The following CHD5 variants were observed in gnomAD, a reference collection of about 807,000 sequenced individuals.
The protein encoded by CHD5 is chromodomain helicase DNA binding protein 5, also known as ATP-dependent chromatin remodeler CHD5.
CHD5 carries 69 observed loss-of-function variants against 230.3 expected under a neutral mutation model. The observed-to-expected ratio is 0.30, with a 90% CI of 0.25 to 0.37. The LOEUF is 0.37. Ranked by LOEUF, CHD5 falls within the 10% of genes least tolerant of loss-of-function variation. The probability of loss-of-function intolerance (pLI) is 1.00; values close to 1 mark genes in which losing one functional copy is unlikely to be tolerated. For synonymous variants in CHD5, 1,064 were observed against 1,065.9 expected, an observed-to-expected ratio of 1.00 and a Z score of 0.03; for missense variants, 1,827 against 2,622.8, an observed-to-expected ratio of 0.70 and a Z score of 6.63.
intron 1 of CHD5, among the ~76,000 whole-genome samples, chr1:6,177,928 C>CT (rs1416491773): frequency 3.9e-5 from 6 of 152,200 alleles, no homozygotes; most frequent in African/African-American, 1.4e-4. Flanking sequence ...CGGGATCTGA[C>CT]TTGGGTTCAC....
At chr1:6,148,811 G>A (rs774773362) in intron 9 of CHD5, 43 bp downstream of exon 9, 1 of 1,460,978 alleles carries the variant, frequency 6.8e-7, no homozygotes, top group Non-Finnish European at 9.1e-7. Context: ...CCTGTTCCTG[G>A]GGTGGGGCGG....
chr1:6,112,333 G>C, intron 34 of CHD5, 56 bp from the exon 35 acceptor site: 1 of 1,596,644 alleles, frequency 6.3e-7, no homozygotes, highest in Non-Finnish European at 8.6e-7. Flanking sequence ...AGTGCCCAGC[G>C]GCCTCTCTCT....
chr1:6,149,174 C>G lies in CHD5; in HGVS notation c.1161+72G>C, dbSNP rs1293867291. 2.7e-6 allele frequency: 4 copies of G among 1,480,692 alleles called. No individual in the cohort carries two copies. The East Asian group carries it at 9.9e-5, about 37-fold the overall frequency. 91.7% of individuals were successfully genotyped at this position (1,480,692 alleles called of 1,614,324 possible). A position where few individuals can be genotyped will look rare whatever the true frequency, so the allele number is the denominator to read the frequency against. ...TACAGCATCTCCCCGCATTCTGCCC[C>G]CAAATGAGGGCACAGGGGTGGGGGA... is the stretch of plus-strand genomic sequence containing the variant. On this transcript the variant is annotated intron_variant, in intron 8 of 41. Coordinates refer to ENST00000262450, the MANE Select transcript of CHD5 (RefSeq NM_015557.3).
chr1:6,120,951 T>C (rs1028022500), intron 33 of CHD5, among the ~76,000 whole-genome samples, 154 bp downstream of exon 33: 4 of 150,432 alleles, frequency 2.7e-5, no homozygotes, highest in Non-Finnish European at 5.9e-5. Context: ...CCTGAGCTCC[T>C]GGCCTCCCCT....
In CHD5 at chr1:6,121,685, C is replaced by T. The variant is rs1571144384; in HGVS notation, c.4700-112G>A. 1.4e-6 allele frequency: 1 copy of T among 701,956 alleles called. No individual in the cohort carries two copies. The allele number at this position is 701,956 out of a possible 1,614,324, so 43.5% of individuals were successfully genotyped here. A position where few individuals can be genotyped will look rare whatever the true frequency, so the allele number is the denominator to read the frequency against. On this transcript the variant is annotated intron_variant, in intron 31 of 41. Transcript: ENST00000262450. The surrounding 1 kb of genome is among the most constrained non-coding windows in gnomAD (Gnocchi z 4.5). ...GGGGCTTGGCCTTCGGGAGGCTCCA[C>T]TGCAGCCAAGCACCTCCAGGAGAGA...
chr1:6,160,791 C>T (rs756893211), intron 2 of CHD5, among the ~76,000 whole-genome samples: 11 of 152,234 alleles, frequency 7.2e-5, no homozygotes, highest in Admixed American at 1.3e-4. Flanking sequence ...CCTGTCTGTA[C>T]AGGCAGAAAA....
At chr1:6,150,916 G>A (rs2100865379) in intron 7 of CHD5, 116 bp downstream of exon 7, 1 of 1,284,346 alleles carries the variant, frequency 7.8e-7, no homozygotes, top group East Asian at 2.8e-5. Flanking sequence ...CCACGGGGAG[G>A]TTCCATGCCC....
rs988483674 is a variant in CHD5 at position 6,105,801 on chromosome 1, C to T, written c.*47-374G>A. On this transcript the variant is annotated intron_variant, in intron 41 of 41. Coordinates refer to ENST00000262450, the MANE Select transcript of CHD5 (RefSeq NM_015557.3). This position sits in a 1 kb window ranked among gnomAD's most constrained non-coding sequence, Gnocchi z 4.8. ...TCCTGGCCAATAGCCCCCACAAAACCCTCAGCCACCCTCCTGGTCCTGGGC... is the reference window on the plus strand; with the variant it reads ...TCCTGGCCAATAGCCCCCACAAAACTCTCAGCCACCCTCCTGGTCCTGGGC... 2.0e-5 allele frequency among the ~76,000 whole-genome samples: 3 copies of T among 152,238 alleles called. No homozygotes were observed. The highest frequency in any genetic ancestry group is 2.0e-4 in the Admixed American group (3 of 15,288).
intron 7 of CHD5, among the ~76,000 whole-genome samples, chr1:6,149,881 G>C (rs149412868): frequency 2.0e-3 from 291 of 147,572 alleles, no homozygotes; most frequent in African/African-American, 6.7e-3. Flanking sequence ...GGATGGACAA[G>C]TGGATGGATA....
At chr1:6,124,701 G>A (rs1483837949) in intron 29 of CHD5, 40 bp from the exon 30 acceptor site, 1 of 1,253,550 alleles carries the variant, frequency 8.0e-7, no homozygotes, top group Non-Finnish European at 1.1e-6. Context: ...GGGAGTGGGG[G>A]GCCGGCAAGA....
chr1:6,163,547 T>G (rs114939158), intron 2 of CHD5, among the ~76,000 whole-genome samples: 3 of 152,176 alleles, frequency 2.0e-5, no homozygotes, highest in Admixed American at 1.3e-4. Context: ...AAATCTCTCC[T>G]TGCAGAGAAA....
intron 33 of CHD5, among the ~76,000 whole-genome samples, chr1:6,116,748 G>T (rs571736320): frequency 1.7e-4 from 26 of 152,308 alleles, no homozygotes; most frequent in African/African-American, 6.3e-4. Context: ...AAATAACAAT[G>T]AGAGAATTTA....
intron 30 of CHD5, 80 bp from the exon 31 acceptor site, chr1:6,124,187 C>T: frequency 1.5e-6 from 2 of 1,333,550 alleles, no homozygotes; most frequent in East Asian, 4.8e-5. Context: ...TCAGGGCAGC[C>T]AGGGGGGCTG....
At chr1:6,147,971 AG>A (rs1666937561) in intron 9 of CHD5, among the ~76,000 whole-genome samples, 1 of 152,036 alleles carries the variant, frequency 6.6e-6, no homozygotes, top group South Asian at 2.1e-4. Flanking sequence ...TCAGGGAAGA[AG>A]CTGAGAGGAA....
At chr1:6,109,587 G>A (rs1284015984) in intron 38 of CHD5, among the ~76,000 whole-genome samples, 1 of 152,204 alleles carries the variant, frequency 6.6e-6, no homozygotes, top group Non-Finnish European at 1.5e-5. Flanking sequence ...GAAACAGGCT[G>A]GAGAAGCAAG....
Position 6,105,511 on chromosome 1 carries a change from T to C in CHD5, c.*47-84A>G, listed in dbSNP as rs1317021930. 4 of 415,930 alleles carry C rather than the reference T, an allele frequency of 9.6e-6. No individual in the cohort carries two copies. The highest frequency in any genetic ancestry group is 1.8e-5 in the South Asian group (1 of 56,858). The allele number at this position is 415,930 out of a possible 1,614,324, so 25.8% of individuals were successfully genotyped here. On this transcript the variant is annotated intron_variant, in intron 41 of 41. Transcript: ENST00000262450. The surrounding 1 kb of genome is among the most constrained non-coding windows in gnomAD (Gnocchi z 4.8). ...GCACCCAACAGCCTGTAGCTGCTTC[T>C]CCACCTATCACAACCAACTATGATC...
chr1:6,163,901 G>C (rs951453291), intron 2 of CHD5, among the ~76,000 whole-genome samples: 11 of 152,326 alleles, frequency 7.2e-5, no homozygotes, highest in Admixed American at 6.5e-4. Flanking sequence ...CGTGACTACA[G>C]GGGACGCCCT....
chr1:6,144,808 G>A (rs529530820), intron 11 of CHD5, among the ~76,000 whole-genome samples: 2 of 152,320 alleles, frequency 1.3e-5, no homozygotes, highest in Non-Finnish European at 1.5e-5. Flanking sequence ...GTGCCGAGGA[G>A]GCACACAGAC....
intron 6 of CHD5, 92 bp downstream of exon 6, chr1:6,152,320 G>T: frequency 6.9e-7 from 1 of 1,452,434 alleles, no homozygotes; most frequent in South Asian, 1.2e-5. Context: ...AGTTTGTAAT[G>T]AACTGAAGGC....
Sources: allele counts gnomAD v4.1 joint callset (sites outside exome capture counted in the v4.1 genomes callset), GRCh38; gene constraint gnomAD v4.1.1; non-coding constraint Gnocchi (gnomAD v3.1); transcripts MANE v1.5; gene names NCBI Gene and HGNC (gene_info 2026-07-23, HGNC 2026-07-21).